Variants in AFF3 observed in about 807,000 individuals in gnomAD.
AFF3 encodes the protein AF4/FMR2 family member 3.
Under a neutral mutation model 129.7 loss-of-function variants are expected in AFF3, and 32 were observed. The observed-to-expected ratio is 0.25, with a 90% CI of 0.19 to 0.33. The LOEUF (loss-of-function observed/expected upper bound fraction) is 0.33. Ranked by LOEUF, AFF3 falls within the 10% of genes least tolerant of loss-of-function variation. AFF3 has a pLI of 1.00. For synonymous variants in AFF3, 644 were observed against 635.4 expected (o/e 1.01, Z -0.20); for missense variants, 1,373 against 1,592.0 (o/e 0.86, Z 2.34).
chr2:99,677,273 A>AAAT (rs1674061290), intron 11 of AFF3, among the ~76,000 whole-genome samples: 1 of 151,460 alleles, frequency 6.6e-6, no homozygotes, highest in South Asian at 2.1e-4. Flanking sequence ...CAAAAAAAAA[A>AAAT]AAAAAAAAAA....
At chr2:99,887,714 G>A (rs915723757) in intron 7 of AFF3, among the ~76,000 whole-genome samples, 3 of 152,112 alleles carry the variant, frequency 2.0e-5, no homozygotes, top group Non-Finnish European at 4.4e-5. Context: ...ATTAAACTAC[G>A]CTAGTAGATA....
At chr2:99,769,844 A>T (rs909325970) in intron 8 of AFF3, among the ~76,000 whole-genome samples, 4 of 152,248 alleles carry the variant, frequency 2.6e-5, no homozygotes, top group Admixed American at 1.3e-4. Context: ...TCCCAAACAA[A>T]TGGAGTCTCT....
At chr2:100,012,116 T>A (rs1682603416) in intron 4 of AFF3, among the ~76,000 whole-genome samples, 1 of 152,106 alleles carries the variant, frequency 6.6e-6, no homozygotes, top group African/African-American at 2.4e-5. Context: ...GACCACTTAC[T>A]CATAATCTTC....
intron 10 of AFF3, among the ~76,000 whole-genome samples, chr2:99,739,481 C>T (rs952375329): frequency 6.6e-6 from 1 of 152,156 alleles, no homozygotes; most frequent in African/African-American, 2.4e-5. Flanking sequence ...AGTCACTCAA[C>T]TGAACAGGAC....
intron 18 of AFF3, among the ~76,000 whole-genome samples, chr2:99,572,257 T>C (rs1392171083): frequency 3.5e-5 from 5 of 142,646 alleles, no homozygotes; most frequent in African/African-American, 1.3e-4. Context: ...TTGATCCAAA[T>C]AGAATGTTTT....
chr2:99,645,300 C>T (rs1320562122), intron 13 of AFF3, among the ~76,000 whole-genome samples: 1 of 152,134 alleles, frequency 6.6e-6, no homozygotes, highest in Non-Finnish European at 1.5e-5. Flanking sequence ...TGCACTCCAG[C>T]CTGGGTGACA....
intron 4 of AFF3, among the ~76,000 whole-genome samples, chr2:100,019,405 A>G (rs1480609956): frequency 6.6e-6 from 1 of 152,222 alleles, no homozygotes; most frequent in Non-Finnish European, 1.5e-5. Context: ...CTTTTCAAAA[A>G]GGAAGAATTA....
intron 7 of AFF3, among the ~76,000 whole-genome samples, chr2:99,997,480 C>A (rs918812075): frequency 6.6e-6 from 1 of 151,766 alleles, no homozygotes; most frequent in African/African-American, 2.4e-5. Context: ...CTATCACCCC[C>A]CCCCCAGATT....
chr2:100,019,867 T>C (rs942111036), intron 4 of AFF3, among the ~76,000 whole-genome samples: 4 of 152,138 alleles, frequency 2.6e-5, no homozygotes, highest in African/African-American at 9.7e-5. Flanking sequence ...CTCTCCCACC[T>C]GGGCTCTGAG....
chr2:99,829,858 T>C (rs933252231), intron 8 of AFF3, among the ~76,000 whole-genome samples: 2 of 152,114 alleles, frequency 1.3e-5, no homozygotes. Context: ...CTATTTACAA[T>C]AGCAAAGACT....
chr2:99,860,993 C>G (rs1334430042), intron 7 of AFF3, among the ~76,000 whole-genome samples: 1 of 152,106 alleles, frequency 6.6e-6, no homozygotes, highest in Non-Finnish European at 1.5e-5. Flanking sequence ...CAGAACGTAT[C>G]CATCTTATAA....
At chr2:99,583,246 C>T (rs745629634) in intron 16 of AFF3, among the ~76,000 whole-genome samples, 2 of 152,226 alleles carry the variant, frequency 1.3e-5, no homozygotes, top group Non-Finnish European at 2.9e-5. Context: ...AAGTACACGA[C>T]TAAGACTAAT....
chr2:99,935,178 G>T (rs1674409173), intron 7 of AFF3, among the ~76,000 whole-genome samples: 1 of 152,164 alleles, frequency 6.6e-6, no homozygotes, highest in Admixed American at 6.5e-5. Flanking sequence ...ATTCTCCAGA[G>T]CCATGAAGAC....
At chr2:99,939,852 G>A (rs1053137678) in intron 7 of AFF3, among the ~76,000 whole-genome samples, 13 of 152,102 alleles carry the variant, frequency 8.5e-5, no homozygotes, top group African/African-American at 2.7e-4. Flanking sequence ...TCAGTTTTCC[G>A]CTGGGATAGT....
intron 7 of AFF3, among the ~76,000 whole-genome samples, chr2:99,844,356 C>T (rs1689553425): frequency 6.6e-6 from 1 of 151,884 alleles, no homozygotes; most frequent in Non-Finnish European, 1.5e-5. Context: ...AATATTTCCA[C>T]TGTTTCAAAG....
At chr2:100,022,560 G>A (rs185324458) in intron 4 of AFF3, among the ~76,000 whole-genome samples, 12 of 152,086 alleles carry the variant, frequency 7.9e-5, no homozygotes, top group South Asian at 2.1e-4. Flanking sequence ...ACAGGCATGC[G>A]CCACCATGCC....
chr2:99,724,539 C>T (rs966628311), intron 11 of AFF3, among the ~76,000 whole-genome samples: 4 of 152,156 alleles, frequency 2.6e-5, no homozygotes, highest in East Asian at 3.9e-4. Flanking sequence ...TCCCAAAGTG[C>T]TGGGATTACA....
intron 7 of AFF3, among the ~76,000 whole-genome samples, chr2:99,990,009 G>A (rs936809337): frequency 6.6e-6 from 1 of 152,122 alleles, no homozygotes; most frequent in Non-Finnish European, 1.5e-5. Flanking sequence ...GAATTAGCCT[G>A]TATTCTTGTA....
chr2:99,909,784 C>T (rs1041999640), intron 7 of AFF3, among the ~76,000 whole-genome samples: 6 of 151,828 alleles, frequency 4.0e-5, no homozygotes, highest in African/African-American at 1.5e-4. Context: ...TAAATTATGC[C>T]CAATATTTTA....
Sources: gnomAD v4.1 joint callset for allele counts (sites outside exome capture counted in the v4.1 genomes callset) on GRCh38, gnomAD v4.1.1 for gene constraint, MANE v1.5 for transcripts, NCBI Gene and HGNC (gene_info 2026-07-23, HGNC 2026-07-21) for gene names.